The following CDKAL1 variants were observed in gnomAD, a reference collection of about 807,000 sequenced individuals.
The protein encoded by CDKAL1 is CDKAL1 threonylcarbamoyladenosine tRNA methylthiotransferase, also known as threonylcarbamoyladenosine tRNA methylthiotransferase.
A neutral mutation model predicts 68.2 loss-of-function variants in CDKAL1; 32 were observed. That is an observed-to-expected ratio of 0.47 (90% CI 0.35 to 0.63). The LOEUF (loss-of-function observed/expected upper bound fraction) is 0.63, where lower values mean the gene tolerates loss of function less well. CDKAL1 is among the 30% of genes least tolerant of loss of function. CDKAL1 has a pLI of 0.00. For missense variants in CDKAL1, 606 were observed against 696.7 expected (o/e 0.87, Z 1.47); for synonymous variants, 234 against 244.3 (o/e 0.96, Z 0.39).
chr6:21,050,579 A>G (rs1055105203), intron 11 of CDKAL1, among the ~76,000 whole-genome samples: 1 of 152,240 alleles, frequency 6.6e-6, no homozygotes, highest in African/African-American at 2.4e-5. Flanking sequence ...TTATGGACTC[A>G]GAATGGGGAG....
chr6:20,615,913 G>A (rs1383818984), intron 4 of CDKAL1, among the ~76,000 whole-genome samples: 9 of 146,592 alleles, frequency 6.1e-5, no homozygotes, highest in African/African-American at 2.2e-4. Flanking sequence ...TATGGTTTTA[G>A]GTCTAACGTT....
intron 15 of CDKAL1, among the ~76,000 whole-genome samples, chr6:21,205,992 G>T (rs535251462): frequency 6.8e-6 from 1 of 148,054 alleles, no homozygotes; most frequent in Non-Finnish European, 1.5e-5. Flanking sequence ...CCGCCACCGC[G>T]CCCGGCTAAT....
intron 10 of CDKAL1, among the ~76,000 whole-genome samples, chr6:20,968,618 C>T (rs996718617): frequency 1.3e-5 from 2 of 152,058 alleles, no homozygotes; most frequent in Non-Finnish European, 2.9e-5. Flanking sequence ...TTCCCCCCAT[C>T]AAGTCATCTG....
At chr6:21,089,352 C>T (rs190782911) in intron 12 of CDKAL1, among the ~76,000 whole-genome samples, 7 of 152,192 alleles carry the variant, frequency 4.6e-5, no homozygotes, top group African/African-American at 1.7e-4. Flanking sequence ...TGGTGCACAC[C>T]TGTAGTCCCA....
At chr6:20,938,618 T>C (rs1763833221) in intron 9 of CDKAL1, among the ~76,000 whole-genome samples, 1 of 152,200 alleles carries the variant, frequency 6.6e-6, no homozygotes, top group African/African-American at 2.4e-5. Flanking sequence ...AGTTAATTGA[T>C]AGAATCATCT....
At chr6:20,992,063 T>C (rs1179600954) in intron 10 of CDKAL1, among the ~76,000 whole-genome samples, 3 of 136,112 alleles carry the variant, frequency 2.2e-5, no homozygotes, top group Non-Finnish European at 3.1e-5. Flanking sequence ...TGAGATACTC[T>C]ATCACCCAGG....
At chr6:20,831,042 G>A (rs1302233758) in intron 8 of CDKAL1, among the ~76,000 whole-genome samples, 1 of 150,926 alleles carries the variant, frequency 6.6e-6, no homozygotes, top group Non-Finnish European at 1.5e-5. Flanking sequence ...TCTATATTAC[G>A]TCCACCCTAT....
At chr6:21,060,503 A>G (rs1771083989) in intron 11 of CDKAL1, among the ~76,000 whole-genome samples, 1 of 149,994 alleles carries the variant, frequency 6.7e-6, no homozygotes, top group South Asian at 2.1e-4. Flanking sequence ...ACTTTTATTG[A>G]TTTTTCTCTA....
intron 4 of CDKAL1, among the ~76,000 whole-genome samples, chr6:20,573,015 A>G (rs923056079): frequency 7.2e-5 from 11 of 152,166 alleles, no homozygotes; most frequent in Non-Finnish European, 1.0e-4. Flanking sequence ...TGGCAGATGT[A>G]GTAATGGGGA....
chr6:20,677,686 GA>G (rs1770180705), intron 5 of CDKAL1, among the ~76,000 whole-genome samples: 2 of 152,186 alleles, frequency 1.3e-5, no homozygotes, highest in Non-Finnish European at 1.5e-5. Flanking sequence ...AAAGTGCTGG[GA>G]TTACAGGTGT....
chr6:21,044,802 T>C (rs1460571619), intron 11 of CDKAL1, among the ~76,000 whole-genome samples: 2 of 152,184 alleles, frequency 1.3e-5, no homozygotes, highest in Non-Finnish European at 2.9e-5. Flanking sequence ...CGTGTCTTAA[T>C]CCGTTTGTGC....
intron 12 of CDKAL1, among the ~76,000 whole-genome samples, chr6:21,090,972 T>G (rs1176403473): frequency 2.0e-5 from 3 of 152,010 alleles, no homozygotes; most frequent in African/African-American, 7.2e-5. Flanking sequence ...GCCTAGCTAA[T>G]TTTTTGTAGA....
At chr6:20,898,343 A>G (rs1048313766) in intron 9 of CDKAL1, among the ~76,000 whole-genome samples, 2 of 150,082 alleles carry the variant, frequency 1.3e-5, no homozygotes, top group East Asian at 1.9e-4. Flanking sequence ...CATGCCTCCT[A>G]TGACATTGGG....
chr6:21,136,136 G>A lies in CDKAL1; in HGVS notation c.1299+27673G>A, dbSNP rs758427402. Among the ~76,000 whole-genome samples, 29 of 152,262 alleles carry A rather than the reference G, an allele frequency of 1.9e-4. 1 individual carries two copies. The highest frequency in any genetic ancestry group is 4.1e-4 in the South Asian group (2 of 4,826). ...CTCCAACTCAGGGAAATCACTGTAGGCCATGTTTTGTGTTTACTTAGACTT... is the reference window on the plus strand; with the variant it reads ...CTCCAACTCAGGGAAATCACTGTAGACCATGTTTTGTGTTTACTTAGACTT... On this transcript the variant is annotated intron_variant, in intron 13 of 15. Transcript: ENST00000274695.
chr6:20,853,115 T>A (rs770808198), intron 9 of CDKAL1, among the ~76,000 whole-genome samples: 5 of 152,016 alleles, frequency 3.3e-5, no homozygotes, highest in Non-Finnish European at 5.9e-5. Context: ...TCGTGGTGGC[T>A]CACGCCTGTA....
chr6:20,594,773 A>G (rs549858307), intron 4 of CDKAL1, among the ~76,000 whole-genome samples: 39 of 152,242 alleles, frequency 2.6e-4, no homozygotes, highest in Non-Finnish European at 4.7e-4. Context: ...TCTTCATAGC[A>G]TTGATGGTCT....
chr6:20,678,330 A>G (rs538988583), intron 5 of CDKAL1, among the ~76,000 whole-genome samples: 4 of 152,072 alleles, frequency 2.6e-5, no homozygotes, highest in East Asian at 1.9e-4. Flanking sequence ...TATTTATTCA[A>G]TTTTGGCTTG....
intron 12 of CDKAL1, among the ~76,000 whole-genome samples, chr6:21,071,156 A>T (rs1170929213): frequency 6.6e-6 from 1 of 152,186 alleles, no homozygotes; most frequent in Non-Finnish European, 1.5e-5. Flanking sequence ...TTAAACATTT[A>T]TATGGTTTGG....
chr6:20,970,774 C>T (rs1384823996), intron 10 of CDKAL1, among the ~76,000 whole-genome samples: 3 of 152,112 alleles, frequency 2.0e-5, no homozygotes, highest in African/African-American at 7.2e-5. Context: ...CTTTGGATAC[C>T]ACACAAGAAA....
Sources: gnomAD v4.1 joint callset for allele counts (sites outside exome capture counted in the v4.1 genomes callset) on GRCh38, gnomAD v4.1.1 for gene constraint, MANE v1.5 for transcripts, NCBI Gene and HGNC (gene_info 2026-07-23, HGNC 2026-07-21) for gene names.